The following RNF150 variants were observed in gnomAD, a reference collection of about 807,000 sequenced individuals.
RNF150 encodes ring finger protein 150.
RNF150 carries 24 observed loss-of-function variants against 39.3 expected under a neutral mutation model. That is an observed-to-expected ratio of 0.61 (90% CI 0.44 to 0.86). The LOEUF is 0.86. RNF150 is among the 40% of genes least tolerant of loss of function. The probability of loss-of-function intolerance (pLI) is 0.00; values close to 1 mark genes in which losing one functional copy is unlikely to be tolerated. For synonymous variants in RNF150, 255 were observed against 227.3 expected (o/e 1.12, Z -1.10); for missense variants, 502 against 587.8 (o/e 0.85, Z 1.51).
intron 1 of RNF150, among the ~76,000 whole-genome samples, chr4:141,042,742 A>G (rs72937377): frequency 0.026 from 3,931 of 152,180 alleles, 158 homozygotes; most frequent in African/African-American, 0.087. Context: ...TTCATTTTCT[A>G]GTATTCACAC....
In RNF150 at chr4:141,112,956, C is replaced by T. The variant is rs141788524; in HGVS notation, c.484+19369G>A. Among the ~76,000 whole-genome samples, 462 of 152,104 alleles carry T rather than the reference C, an allele frequency of 3.0e-3. 1 individual carries two copies. Among genetic ancestry groups the T allele is most frequent in the African/African-American group, 9.8e-3 (407 of 41,478 alleles). On this transcript the variant is annotated intron_variant, in intron 1 of 6. Transcript: ENST00000515673. ...TCTTTTTTCTCTAATCTTGTTTTCACGCTTTATTTCATTAAGTTGATCTTC... is the reference window on the plus strand; with the variant it reads ...TCTTTTTTCTCTAATCTTGTTTTCATGCTTTATTTCATTAAGTTGATCTTC...
At chr4:141,211,012 T>C (rs1050227231) in intron 1 of RNF150, among the ~76,000 whole-genome samples, 5 of 152,208 alleles carry the variant, frequency 3.3e-5, no homozygotes, top group African/African-American at 1.2e-4. Flanking sequence ...TGATTATGAT[T>C]GAGAGCATGG....
intron 1 of RNF150, among the ~76,000 whole-genome samples, chr4:141,131,102 A>AATTGAAT (rs1726881841): frequency 6.6e-6 from 1 of 152,354 alleles, no homozygotes; most frequent in African/African-American, 2.4e-5. Flanking sequence ...GAGGCAAACC[A>AATTGAAT]ATTGAATATT....
At chr4:140,935,511 T>C (rs186917825) in intron 4 of RNF150, among the ~76,000 whole-genome samples, 140 of 152,286 alleles carry the variant, frequency 9.2e-4, no homozygotes, top group African/African-American at 3.2e-3. Context: ...AGTGCAAGAC[T>C]TCTGTCCTAA....
At chr4:141,038,259 C>T (rs1171119147) in intron 1 of RNF150, among the ~76,000 whole-genome samples, 1 of 152,140 alleles carries the variant, frequency 6.6e-6, no homozygotes, top group Non-Finnish European at 1.5e-5. Flanking sequence ...ACGCTACACC[C>T]CTCAGACTGC....
intron 1 of RNF150, among the ~76,000 whole-genome samples, chr4:141,199,115 A>G (rs1245107350): frequency 6.6e-6 from 1 of 152,222 alleles, no homozygotes; most frequent in African/African-American, 2.4e-5. Flanking sequence ...CAAACACTTG[A>G]AAAGATGCTC....
At chr4:141,129,262 C>A (rs557474547) in intron 1 of RNF150, among the ~76,000 whole-genome samples, 2 of 152,104 alleles carry the variant, frequency 1.3e-5, no homozygotes, top group Non-Finnish European at 2.9e-5. Context: ...ATCCATACAA[C>A]GAAATATTAT....
intron 5 of RNF150, among the ~76,000 whole-genome samples, chr4:140,912,856 C>T (rs369635813): frequency 2.0e-5 from 3 of 151,700 alleles, no homozygotes; most frequent in South Asian, 2.1e-4. Context: ...ACATTGGACA[C>T]GAGCAAGTGG....
intron 6 of RNF150, among the ~76,000 whole-genome samples, chr4:140,869,970 A>G (rs1185307802): frequency 2.6e-5 from 4 of 152,222 alleles, no homozygotes; most frequent in African/African-American, 7.2e-5. Flanking sequence ...ACAAAAATGT[A>G]TAAGTACTAA....
rs200386670 is a variant in RNF150 at position 141,041,089 on chromosome 4, TA to T, written c.485-73217del. 3.5e-4 allele frequency among the ~76,000 whole-genome samples: 53 copies of T among 151,752 alleles called. No homozygotes were observed. In the East Asian group the frequency reaches 7.9e-3, roughly 23 times the overall value. On this transcript the variant is annotated intron_variant, in intron 1 of 6. Transcript: ENST00000515673. ...TTGACTATTACTATAAACATTCATT[TA>T]AAAAAAAATTAAGTCTCTACTAGGT...
intron 1 of RNF150, among the ~76,000 whole-genome samples, chr4:141,177,249 G>T (rs1727829449): frequency 6.6e-6 from 1 of 151,932 alleles, no homozygotes. Flanking sequence ...ATGTATTTCA[G>T]ATTCCTTCCA....
intron 1 of RNF150, among the ~76,000 whole-genome samples, chr4:141,172,883 G>T (rs28595103): frequency 0.03 from 4,503 of 152,084 alleles, 210 homozygotes; most frequent in African/African-American, 0.097. Context: ...AAAATTAGCC[G>T]GGCATGGTGG....
chr4:140,987,265 A>G (rs1734046461), intron 1 of RNF150, among the ~76,000 whole-genome samples: 1 of 152,156 alleles, frequency 6.6e-6, no homozygotes, highest in Non-Finnish European at 1.5e-5. Flanking sequence ...AGAAAAAACT[A>G]TTCTAAAATT....
intron 1 of RNF150, among the ~76,000 whole-genome samples, chr4:141,090,294 T>A (rs79594392): frequency 0.064 from 9,777 of 152,250 alleles, 399 homozygotes; most frequent in Non-Finnish European, 0.089. Flanking sequence ...TGGGTTTAAG[T>A]CAGTATTACT....
intron 1 of RNF150, among the ~76,000 whole-genome samples, chr4:141,066,632 C>G (rs570032573): frequency 6.6e-6 from 1 of 152,244 alleles, no homozygotes; most frequent in African/African-American, 2.4e-5. Context: ...GACGATATTT[C>G]TACAAATTTT....
intron 6 of RNF150, among the ~76,000 whole-genome samples, chr4:140,870,464 G>C (rs1329482268): frequency 1.2e-5 from 1 of 82,554 alleles, no homozygotes; most frequent in Non-Finnish European, 2.9e-5. Context: ...GTATGTGTGT[G>C]TGTGTGTGTG....
At chr4:141,082,735 CCCG>C (rs1738207275) in intron 1 of RNF150, among the ~76,000 whole-genome samples, 1 of 151,646 alleles carries the variant, frequency 6.6e-6, no homozygotes. Flanking sequence ...ACTACAGGCG[CCCG>C]CCACTACGCC....
intron 1 of RNF150, among the ~76,000 whole-genome samples, chr4:141,015,942 G>A (rs1735255326): frequency 6.6e-6 from 1 of 151,974 alleles, no homozygotes; most frequent in Non-Finnish European, 1.5e-5. Context: ...TTTGGGGGGT[G>A]GGGTGTGTGA....
At chr4:141,090,052 C>G (rs1463803180) in intron 1 of RNF150, among the ~76,000 whole-genome samples, 2 of 152,206 alleles carry the variant, frequency 1.3e-5, no homozygotes, top group Non-Finnish European at 2.9e-5. Context: ...CTTCCAGCCT[C>G]CTTTGTAGCT....
Sources: allele counts gnomAD v4.1 joint callset (sites outside exome capture counted in the v4.1 genomes callset), GRCh38; gene constraint gnomAD v4.1.1; transcripts MANE v1.5; gene names NCBI Gene and HGNC (gene_info 2026-07-23, HGNC 2026-07-21).